The following TRPM3 variants were observed in gnomAD, a reference collection of about 807,000 sequenced individuals.
TRPM3 encodes long transient receptor potential channel 3.
A neutral mutation model predicts 181.2 loss-of-function variants in TRPM3; 77 were observed. That is an observed-to-expected ratio of 0.42 (90% CI 0.35 to 0.51). TRPM3 has a LOEUF of 0.51. Among genes scored for constraint, TRPM3 ranks in the 20% least tolerant of loss-of-function variants. The pLI, the probability that TRPM3 is intolerant of heterozygous loss-of-function variation, is 0.01. For missense variants in TRPM3, 1,759 were observed against 2,196.7 expected, an observed-to-expected ratio of 0.80 and a Z score of 3.98; for synonymous variants, 745 against 796.4, an observed-to-expected ratio of 0.94 and a Z score of 1.09.
intron 7 of TRPM3, chr9:70,776,268 A>G: frequency 2.1e-6 from 1 of 477,282 alleles, no homozygotes; most frequent in South Asian, 4.3e-5. Context: ...GACAAGTGGG[A>G]GGTTAGGACT....
At chr9:71,015,600 A>G (rs1203243804) in intron 1 of TRPM3, among the ~76,000 whole-genome samples, 1 of 152,184 alleles carries the variant, frequency 6.6e-6, no homozygotes, top group African/African-American at 2.4e-5. Flanking sequence ...TAGAAGACTT[A>G]TTCTGTTTTG....
chr9:70,903,145 CCTTA>C (rs1373389133), intron 1 of TRPM3, among the ~76,000 whole-genome samples: 1 of 152,168 alleles, frequency 6.6e-6, no homozygotes, highest in Non-Finnish European at 1.5e-5. Flanking sequence ...TTGGTTTGTA[CCTTA>C]CTGTTCTTTC....
chr9:71,425,354 C>T (rs1217563260), intron 1 of TRPM3, among the ~76,000 whole-genome samples: 1 of 152,078 alleles, frequency 6.6e-6, no homozygotes, highest in East Asian at 1.9e-4. Context: ...CAAAACTTGG[C>T]CTTTGGCTTT....
chr9:71,052,559 C>T (rs972918664), intron 1 of TRPM3, among the ~76,000 whole-genome samples: 2 of 152,150 alleles, frequency 1.3e-5, no homozygotes, highest in African/African-American at 4.8e-5. Context: ...GCTCTATCTA[C>T]TGAAATCAGA....
rs759665181 is a variant in TRPM3, at chr9:70,635,229, C to T, written c.1614G>A (p.Leu538=). ...RHGPSNTLYH[L]VRDVKKREYP... is the part of the protein sequence containing the mutation. The stretch of plus-strand genomic sequence containing the variant: ...TTCTTACCTTTTTGACATCCCTGAC[C>T]AAGTGGTACAATGTATTTGAGGGCC... The change falls in exon 12 of 26, where the codon TTG becomes TTA. Residue 538 remains leucine (L), a synonymous_variant. Coordinates refer to ENST00000677713, the MANE Select transcript of TRPM3 (RefSeq NM_001366145.2). The T allele has an allele frequency of 1.2e-5, 19 of 1,613,782 alleles. No homozygotes were observed. In the South Asian group the frequency reaches 2.0e-4, roughly 17 times the overall value.
intron 1 of TRPM3, among the ~76,000 whole-genome samples, chr9:71,157,740 T>G (rs1471540715): frequency 6.6e-6 from 1 of 152,132 alleles, no homozygotes; most frequent in Admixed American, 6.6e-5. Context: ...GTCCAACATT[T>G]AACTGACAAT....
chr9:71,085,010 C>A (rs954460793), intron 1 of TRPM3, among the ~76,000 whole-genome samples: 4 of 152,028 alleles, frequency 2.6e-5, no homozygotes, highest in African/African-American at 7.2e-5. Context: ...ACAAAATCAA[C>A]AAAAATAAGC....
In TRPM3 at chr9:70,983,659, C is replaced by G. The variant is rs1406391902; in HGVS notation, c.178-119148G>C. ...AAAAACAGAAAGGCTTTAGAGGTAGCCTGATTACAGGCTGTTGGAATGGGG... is the reference window on the plus strand; with the variant it reads ...AAAAACAGAAAGGCTTTAGAGGTAGGCTGATTACAGGCTGTTGGAATGGGG... On this transcript the variant is annotated intron_variant, in intron 1 of 25. Coordinates refer to ENST00000677713, the MANE Select transcript of TRPM3 (RefSeq NM_001366145.2). Among the ~76,000 whole-genome samples, 4 of 152,220 alleles carry G rather than the reference C, an allele frequency of 2.6e-5. No homozygotes were observed. In the East Asian group the frequency reaches 5.8e-4, roughly 22 times the overall value.
intron 8 of TRPM3, among the ~76,000 whole-genome samples, chr9:70,697,496 A>T (rs1161042694): frequency 6.6e-6 from 1 of 152,212 alleles, no homozygotes; most frequent in Non-Finnish European, 1.5e-5. Context: ...TCTCATTATT[A>T]TTATGCCCAT....
At chr9:71,399,544 T>TTTTTTC (rs1172848265) in intron 1 of TRPM3, among the ~76,000 whole-genome samples, 1 of 147,006 alleles carries the variant, frequency 6.8e-6, no homozygotes, top group African/African-American at 2.5e-5. Context: ...TTTTTTTTTT[T>TTTTTTC]TTGAGAAGGA....
chr9:71,357,611 G>A (rs1263292422), intron 1 of TRPM3, among the ~76,000 whole-genome samples: 1 of 151,978 alleles, frequency 6.6e-6, no homozygotes, highest in Non-Finnish European at 1.5e-5. Flanking sequence ...AACACTGTCT[G>A]TGGTCATGTG....
At chr9:71,208,773 T>C (rs1319623374) in intron 1 of TRPM3, among the ~76,000 whole-genome samples, 2 of 152,218 alleles carry the variant, frequency 1.3e-5, no homozygotes, top group East Asian at 3.8e-4. Context: ...TGCTAAACTA[T>C]ATACTATAAT....
In TRPM3 at chr9:70,536,034, C is replaced by T. The variant is rs563968255; in HGVS notation, c.5079G>A (p.Pro1693=). ...TGGACAGGCTGTCCCCTCGGCCCTCCGGCTTGGAGGACTTGCTTCTCTGGA... is the reference window on the plus strand; with the variant it reads ...TGGACAGGCTGTCCCCTCGGCCCTCTGGCTTGGAGGACTTGCTTCTCTGGA... ...NPFQRSKSSK[P]EGRGDSLSMR... Residue 1693 remains proline, a synonymous_variant, in exon 26 of 26, where the codon CCG becomes CCA. Transcript: ENST00000677713. 72 of 1,614,162 alleles carry T rather than the reference C, an allele frequency of 4.5e-5. No homozygotes were observed. Among genetic ancestry groups the T allele is most frequent in the East Asian group, 1.3e-4 (6 of 44,876 alleles).
intron 1 of TRPM3, among the ~76,000 whole-genome samples, chr9:70,906,576 G>T (rs1265526150): frequency 1.3e-5 from 2 of 151,306 alleles, no homozygotes; most frequent in Non-Finnish European, 3.0e-5. Context: ...GGATTTTCAA[G>T]CTTGTTAGTT....
At chr9:71,303,022 G>A (rs1420099696) in intron 1 of TRPM3, among the ~76,000 whole-genome samples, 1 of 152,140 alleles carries the variant, frequency 6.6e-6, no homozygotes. Context: ...AGGGACACTA[G>A]CACTGGGCGC....
chr9:71,232,697 C>T (rs2081136488), intron 1 of TRPM3, among the ~76,000 whole-genome samples: 1 of 151,862 alleles, frequency 6.6e-6, no homozygotes, highest in South Asian at 2.1e-4. Context: ...AATGGGGTTT[C>T]ACCATGTTGG....
At chr9:71,328,287 C>T (rs974509073) in intron 1 of TRPM3, among the ~76,000 whole-genome samples, 16 of 152,130 alleles carry the variant, frequency 1.1e-4, no homozygotes, top group Admixed American at 8.5e-4. Flanking sequence ...CCTCAGCCTC[C>T]GGAGAAGCTG....
chr9:70,740,090 AG>A (rs1185494020), intron 8 of TRPM3, among the ~76,000 whole-genome samples: 1 of 152,296 alleles, frequency 6.6e-6, no homozygotes, highest in African/African-American at 2.4e-5. Flanking sequence ...TCCTCCAAAA[AG>A]CTCTCAGAAC....
At chr9:71,060,631 G>A (rs2061222666) in intron 1 of TRPM3, among the ~76,000 whole-genome samples, 1 of 152,058 alleles carries the variant, frequency 6.6e-6, no homozygotes, top group Admixed American at 6.5e-5. Flanking sequence ...CATGAGTTGT[G>A]GTCTCTTTAA....
Sources: allele counts gnomAD v4.1 joint callset (sites outside exome capture counted in the v4.1 genomes callset), GRCh38; gene constraint gnomAD v4.1.1; transcripts MANE v1.5; gene names NCBI Gene and HGNC (gene_info 2026-07-23, HGNC 2026-07-21).